EPC1: variants seen among roughly 807,000 people sequenced by gnomAD.
The protein encoded by EPC1 is enhancer of polycomb homolog 1.
In EPC1, 12 loss-of-function variants were observed where a neutral mutation model predicts 98.4. That is an observed-to-expected ratio of 0.12 (90% confidence interval 0.08 to 0.20). The LOEUF (loss-of-function observed/expected upper bound fraction) is 0.20. Among genes scored for constraint, EPC1 ranks in the 10% least tolerant of loss-of-function variants. The pLI is 1.00. For synonymous variants in EPC1, 357 were observed against 363.9 expected (o/e 0.98, Z 0.21); for missense variants, 729 against 990.5 (o/e 0.74, Z 3.54).
At chr10:32,280,397 A>G (rs1592539839) in intron 10 of EPC1, among the ~76,000 whole-genome samples, 1 of 152,226 alleles carries the variant, frequency 6.6e-6, no homozygotes. Context: ...GGTTGCAGTG[A>G]GTGAGATCAC....
At chr10:32,285,412 C>T in intron 9 of EPC1, 1 of 200,492 alleles carries the variant, frequency 5.0e-6, no homozygotes, top group South Asian at 9.6e-5. Flanking sequence ...ATACCATTAA[C>T]ATTTCTTATA....
intron 1 of EPC1, among the ~76,000 whole-genome samples, chr10:32,333,218 T>C (rs1055996748): frequency 1.3e-5 from 2 of 152,188 alleles, no homozygotes; most frequent in African/African-American, 4.8e-5. Context: ...CGTGCGCCTG[T>C]AGTCCCAGCT....
chr10:32,291,658 A>G (rs1056914623), intron 5 of EPC1: 1 of 156,654 alleles, frequency 6.4e-6, no homozygotes, highest in African/African-American at 2.4e-5. Flanking sequence ...GAAAAAGAAG[A>G]AAATTTTGGA....
At position 32,332,522 on chromosome 10, in the gene EPC1, A is replaced by C. The variant is rs572512886; in HGVS notation, c.153+14241T>G. On this transcript the variant is annotated intron_variant, in intron 1 of 13. Transcript: ENST00000319778. The stretch of plus-strand genomic sequence containing the variant: ...TAAAAGACTTGCGTGCTGTCTTACC[A>C]CTTGGTACACACTCTCTCGAGTCAT... 9.1e-4 allele frequency among the ~76,000 whole-genome samples: 138 copies of C among 152,276 alleles called. 1 individual carries two copies. The highest frequency in any genetic ancestry group is 3.2e-3 in the African/African-American group (135 of 41,546).
intron 1 of EPC1, among the ~76,000 whole-genome samples, chr10:32,355,745 G>A (rs984294666): frequency 6.7e-6 from 1 of 150,072 alleles, no homozygotes; most frequent in African/African-American, 2.4e-5. Flanking sequence ...CGAGTAGCTG[G>A]GACTACAGGC....
chr10:32,296,461 T>C (rs1477161065), intron 2 of EPC1, among the ~76,000 whole-genome samples: 1 of 152,102 alleles, frequency 6.6e-6, no homozygotes, highest in African/African-American at 2.4e-5. Flanking sequence ...ACACCCAACA[T>C]ATCAGGGGCT....
At chr10:32,307,538 T>C (rs1433646753) in intron 1 of EPC1, among the ~76,000 whole-genome samples, 1 of 152,254 alleles carries the variant, frequency 6.6e-6, no homozygotes, top group East Asian at 1.9e-4. Context: ...GCATTTTTCT[T>C]ATTCATACTC....
intron 1 of EPC1, among the ~76,000 whole-genome samples, chr10:32,369,184 T>C (rs531354646): frequency 8.5e-5 from 13 of 152,112 alleles, no homozygotes; most frequent in Non-Finnish European, 1.9e-4. Flanking sequence ...TCTGGAAGAG[T>C]TGATTGTTCT....
intron 1 of EPC1, among the ~76,000 whole-genome samples, chr10:32,358,519 C>A (rs114285026): frequency 0.011 from 1,744 of 151,696 alleles, 39 homozygotes; most frequent in African/African-American, 0.04. Context: ...GTGGTGCACA[C>A]CTGTAGTCCT....
intron 1 of EPC1, among the ~76,000 whole-genome samples, chr10:32,326,798 G>C (rs1415678860): frequency 6.6e-6 from 1 of 151,972 alleles, no homozygotes; most frequent in Non-Finnish European, 1.5e-5. Context: ...AGGAAAAAAT[G>C]CTCATCATGA....
chr10:32,292,729 G>T (rs1314261207), intron 4 of EPC1, 85 bp from the exon 5 acceptor site: 3 of 1,321,118 alleles, frequency 2.3e-6, no homozygotes, highest in Non-Finnish European at 3.1e-6. Context: ...TTATATATTT[G>T]AAGGGTTAAA....
intron 1 of EPC1, among the ~76,000 whole-genome samples, chr10:32,322,144 C>G (rs1349817453): frequency 6.7e-6 from 1 of 150,352 alleles, no homozygotes; most frequent in Non-Finnish European, 1.5e-5. Flanking sequence ...AGATGCTTCC[C>G]TATGCCATTC....
chr10:32,290,821 C>T (rs2132725552), intron 6 of EPC1, among the ~76,000 whole-genome samples: 1 of 151,506 alleles, frequency 6.6e-6, no homozygotes, highest in South Asian at 2.1e-4. Context: ...GTCACCCAGG[C>T]TGGAGTGCAA....
At chr10:32,378,498 G>T (rs1309410893) in exon 1 of EPC1, 4 of 1,546,638 alleles carry the variant, frequency 2.6e-6, no homozygotes, top group Non-Finnish European at 3.5e-6. Flanking sequence ...TACCATTAGT[G>T]CAGGCAAAGA....
At chr10:32,337,891 T>A (rs1437364641) in intron 1 of EPC1, among the ~76,000 whole-genome samples, 1 of 152,202 alleles carries the variant, frequency 6.6e-6, no homozygotes, top group Non-Finnish European at 1.5e-5. Flanking sequence ...CATACTTTCA[T>A]CTTCTCAGTG....
intron 1 of EPC1, among the ~76,000 whole-genome samples, chr10:32,356,738 A>G (rs1387537873): frequency 6.6e-6 from 1 of 152,180 alleles, no homozygotes; most frequent in Admixed American, 6.5e-5. Flanking sequence ...TAATCCCAGC[A>G]CTTTGGGAGG....
intron 1 of EPC1, chr10:32,377,060 A>T (rs1342938264): frequency 1.3e-5 from 2 of 152,220 alleles, no homozygotes; most frequent in Admixed American, 6.5e-5. Flanking sequence ...ATAACTCAAT[A>T]AGAACAAAGA....
At chr10:32,278,238 C>T (rs978903152) in intron 10 of EPC1, among the ~76,000 whole-genome samples, 13 of 151,546 alleles carry the variant, frequency 8.6e-5, no homozygotes, top group South Asian at 2.1e-4. Context: ...ACGGAGTTTT[C>T]GCCATGTTTG....
intron 1 of EPC1, among the ~76,000 whole-genome samples, chr10:32,355,942 T>A (rs985101113): frequency 1.3e-5 from 2 of 152,206 alleles, no homozygotes; most frequent in African/African-American, 4.8e-5. Context: ...GATAGACTAC[T>A]TAAGCATTAG....
Sources: gnomAD v4.1 joint callset for allele counts (sites outside exome capture counted in the v4.1 genomes callset) on GRCh38, gnomAD v4.1.1 for gene constraint, MANE v1.5 for transcripts, NCBI Gene and HGNC (gene_info 2026-07-23, HGNC 2026-07-21) for gene names.